The following NELL1 variants were observed in gnomAD, a reference collection of about 807,000 sequenced individuals.
NELL1 encodes neural EGFL like 1.
Under a neutral mutation model 107.4 loss-of-function variants are expected in NELL1, and 76 were observed. The observed-to-expected ratio is 0.71, with a 90% CI of 0.59 to 0.86. The LOEUF is 0.86. Among genes scored for constraint, NELL1 ranks in the 40% least tolerant of loss-of-function variants. The probability of loss-of-function intolerance (pLI) is 0.00; values close to 1 mark genes in which losing one functional copy is unlikely to be tolerated. For synonymous variants in NELL1, 353 were observed against 341.2 expected (o/e 1.03, Z -0.38); for missense variants, 1,024 against 1,005.5 (o/e 1.02, Z -0.25).
chr11:20,733,652 C>T (rs892241149), intron 2 of NELL1, among the ~76,000 whole-genome samples: 1 of 152,130 alleles, frequency 6.6e-6, no homozygotes, highest in Non-Finnish European at 1.5e-5. Flanking sequence ...ATTGAGGCTA[C>T]AGCAATGACC....
intron 14 of NELL1, among the ~76,000 whole-genome samples, chr11:21,312,112 T>A (rs566707938): frequency 6.6e-6 from 1 of 152,144 alleles, no homozygotes; most frequent in Non-Finnish European, 1.5e-5. Flanking sequence ...GAGAATTCAA[T>A]TTTTATTGTT....
rs577802519 is a variant in NELL1 at position 20,850,139 on chromosome 11, C to T, written c.506+2386C>T. Among the ~76,000 whole-genome samples the T allele has an allele frequency of 4.6e-5, 7 of 152,242 alleles. No homozygotes were observed. In the South Asian group the frequency reaches 1.2e-3, roughly 27 times the overall value. On this transcript the variant is annotated intron_variant, in intron 4 of 19. Transcript: ENST00000357134. ...TAAGGAGAGGGTAGTGTCTAATGCACGAAACAAACTTTACCTTCTTCACAA... is the reference window on the plus strand; with the variant it reads ...TAAGGAGAGGGTAGTGTCTAATGCATGAAACAAACTTTACCTTCTTCACAA...
intron 15 of NELL1, among the ~76,000 whole-genome samples, chr11:21,475,609 GAGGTT>G (rs1854310255): frequency 6.6e-6 from 1 of 152,204 alleles, no homozygotes; most frequent in African/African-American, 2.4e-5. Flanking sequence ...CTCTCATCGT[GAGGTT>G]ATGAATGGGT....
intron 1 of NELL1, among the ~76,000 whole-genome samples, chr11:20,671,775 G>A (rs12225553): frequency 8.9e-6 from 1 of 112,740 alleles, no homozygotes; most frequent in Admixed American, 8.3e-5. Flanking sequence ...AGATTGATGG[G>A]GGGGGTGGTG....
At chr11:21,407,758 A>G (rs1852271025) in intron 15 of NELL1, among the ~76,000 whole-genome samples, 1 of 151,108 alleles carries the variant, frequency 6.6e-6, no homozygotes, top group Non-Finnish European at 1.5e-5. Context: ...CTGATGAAAC[A>G]AAGTTACTAA....
intron 14 of NELL1, among the ~76,000 whole-genome samples, chr11:21,263,489 T>A (rs1367922351): frequency 6.6e-6 from 1 of 152,042 alleles, no homozygotes; most frequent in African/African-American, 2.4e-5. Flanking sequence ...AGCATTCTGA[T>A]TGCCATATAC....
rs1201790143 is a variant in NELL1 at position 21,337,809 on chromosome 11, T to C, written c.1550-33044T>C. On this transcript the variant is annotated intron_variant, in intron 14 of 19. Coordinates refer to ENST00000357134, the MANE Select transcript of NELL1 (RefSeq NM_006157.5). ...CTTTCTTTCTTTCCTTCTTTCTTTC[T>C]TGCTTTCCTTCTTTCTTTCTTTCTT... Among the ~76,000 whole-genome samples, 161 of 63,950 alleles carry C rather than the reference T, an allele frequency of 2.5e-3. 3 individuals are homozygous for C. The South Asian group carries it at 0.038, about 15-fold the overall frequency. The allele number at this position is 63,950 out of a possible 152,430, so 42.0% of individuals were successfully genotyped here. A position where few individuals can be genotyped will look rare whatever the true frequency, so the allele number is the denominator to read the frequency against.
chr11:21,172,324 T>C (rs1299033660), intron 13 of NELL1, among the ~76,000 whole-genome samples: 1 of 151,872 alleles, frequency 6.6e-6, no homozygotes, highest in African/African-American at 2.4e-5. Context: ...AGAGTGGTTT[T>C]CTCTATGATT....
At chr11:21,477,312 C>T (rs1265095026) in intron 15 of NELL1, among the ~76,000 whole-genome samples, 1 of 152,122 alleles carries the variant, frequency 6.6e-6, no homozygotes, top group Non-Finnish European at 1.5e-5. Flanking sequence ...TGCCCACATT[C>T]CAGCTCCTGG....
chr11:21,164,145 GTTGT>G (rs1183611605), intron 13 of NELL1, among the ~76,000 whole-genome samples: 2 of 152,194 alleles, frequency 1.3e-5, no homozygotes, highest in Admixed American at 6.5e-5. Flanking sequence ...ATAAGTTTCT[GTTGT>G]TTAAGTCTGT....
chr11:20,710,356 T>G (rs1027037519), intron 2 of NELL1, among the ~76,000 whole-genome samples: 8 of 152,222 alleles, frequency 5.3e-5, no homozygotes, highest in African/African-American at 2.4e-5. Context: ...ATTTGTTGAC[T>G]TGCGTATGTT....
chr11:20,922,288 C>A (rs1850396464), intron 7 of NELL1, among the ~76,000 whole-genome samples: 2 of 152,106 alleles, frequency 1.3e-5, no homozygotes, highest in Non-Finnish European at 2.9e-5. Context: ...TTCCTGGGAT[C>A]CCTGCAGTCA....
chr11:21,125,759 G>A (rs1253985129), intron 13 of NELL1, among the ~76,000 whole-genome samples: 1 of 152,164 alleles, frequency 6.6e-6, no homozygotes, highest in East Asian at 1.9e-4. Context: ...AGAAGTAATT[G>A]TGCCTGTTGC....
chr11:21,438,104 A>G (rs1021595474), intron 15 of NELL1, among the ~76,000 whole-genome samples: 2 of 152,180 alleles, frequency 1.3e-5, no homozygotes, highest in Admixed American at 1.3e-4. Flanking sequence ...GACGGAAAAT[A>G]TCATCCTTTC....
chr11:20,787,007 CAAAAAAAAAAAA>C (rs71443763), intron 3 of NELL1, among the ~76,000 whole-genome samples: 1 of 60,854 alleles, frequency 1.6e-5, no homozygotes, highest in African/African-American at 8.1e-5. Flanking sequence ...GACTCCGTCT[CAAAAAAAAAAAA>C]AAAAAAAAAA....
intron 15 of NELL1, among the ~76,000 whole-genome samples, chr11:21,384,419 CT>C (rs1014235713): frequency 3.3e-5 from 5 of 150,778 alleles, no homozygotes; most frequent in African/African-American, 4.9e-5. Flanking sequence ...CCATAATTGT[CT>C]TCTTGATTTT....
At chr11:21,268,565 C>T (rs1469686496) in intron 14 of NELL1, among the ~76,000 whole-genome samples, 1 of 152,070 alleles carries the variant, frequency 6.6e-6, no homozygotes, top group Non-Finnish European at 1.5e-5. Context: ...CCTGTCCCAC[C>T]TGAGTCTTGT....
At chr11:20,915,719 T>TATATATATATATA (rs1332292027) in intron 5 of NELL1, among the ~76,000 whole-genome samples, 35 of 24,272 alleles carry the variant, frequency 1.4e-3, no homozygotes, top group East Asian at 1.7e-3. Context: ...ATATATATAT[T>TATATATATATATA]TTTTTTTTTT....
At chr11:21,390,543 G>C (rs915689152) in intron 15 of NELL1, among the ~76,000 whole-genome samples, 2 of 145,566 alleles carry the variant, frequency 1.4e-5, no homozygotes, top group African/African-American at 2.5e-5. Flanking sequence ...ACACACGTGC[G>C]CACGCACCCA....
Sources: allele counts gnomAD v4.1 joint callset (sites outside exome capture counted in the v4.1 genomes callset), GRCh38; gene constraint gnomAD v4.1.1; transcripts MANE v1.5; gene names NCBI Gene and HGNC (gene_info 2026-07-23, HGNC 2026-07-21).